KIAA0825: variants seen among roughly 807,000 people sequenced by gnomAD.
KIAA0825 encodes KIAA0825, also known as uncharacterized protein KIAA0825.
In KIAA0825, 119 loss-of-function variants were observed where a neutral mutation model predicts 147.6. That is an observed-to-expected ratio of 0.81 (90% CI 0.69 to 0.94). The LOEUF (loss-of-function observed/expected upper bound fraction) is 0.94, where lower values mean the gene tolerates loss of function less well. KIAA0825 is among the 40% of genes least tolerant of loss of function. KIAA0825 has a pLI of 0.00. For synonymous variants in KIAA0825, 470 were observed against 518.1 expected, an observed-to-expected ratio of 0.91 and a Z score of 1.26; for missense variants, 1,381 against 1,472.7, an observed-to-expected ratio of 0.94 and a Z score of 1.02.
intron 2 of KIAA0825, chr5:94,568,166 A>G (rs1779103173): frequency 1.2e-5 from 2 of 160,876 alleles, no homozygotes; most frequent in East Asian, 1.7e-4. Context: ...CTCCGGATCC[A>G]TTATTCATAA....
intron 20 of KIAA0825, among the ~76,000 whole-genome samples, chr5:94,316,325 C>G (rs1396955759): frequency 1.3e-5 from 2 of 151,240 alleles, no homozygotes; most frequent in Non-Finnish European, 3.0e-5. Context: ...TATTATACTA[C>G]TAAACCACCT....
intron 20 of KIAA0825, among the ~76,000 whole-genome samples, chr5:94,235,318 G>A (rs1774979381): frequency 1.3e-5 from 2 of 152,184 alleles, no homozygotes; most frequent in Admixed American, 6.5e-5. Flanking sequence ...ATATGGAAAA[G>A]GTTTTACAGT....
chr5:94,375,033 CTT>C lies in KIAA0825; in HGVS notation c.3710+9333_3710+9334del, dbSNP rs35435550. ...ATTTTTCTTTTCTTTCTTTCCTTCT[CTT>C]TTTTTTTTTTTTTTTTGATAAAGTC... On this transcript the variant is annotated intron_variant, in intron 20 of 20. Transcript: ENST00000682413. Among the ~76,000 whole-genome samples, 515 of 130,456 alleles carry C rather than the reference CTT, an allele frequency of 3.9e-3. 4 individuals carry two copies. The highest frequency in any genetic ancestry group is 0.013 in the African/African-American group (458 of 34,712). The allele number at this position is 130,456 out of a possible 152,430, so 85.6% of individuals were successfully genotyped here.
At chr5:94,184,826 C>A (rs1271262125) in intron 20 of KIAA0825, among the ~76,000 whole-genome samples, 1 of 152,226 alleles carries the variant, frequency 6.6e-6, no homozygotes, top group East Asian at 1.9e-4. Flanking sequence ...TAAGTTTGTA[C>A]CTTCTGTACT....
chr5:94,178,385 T>G (rs1273855752), intron 20 of KIAA0825, among the ~76,000 whole-genome samples: 1 of 152,006 alleles, frequency 6.6e-6, no homozygotes, highest in Non-Finnish European at 1.5e-5. Context: ...TTGATTTTAA[T>G]GAGAGTTCTG....
chr5:94,517,492 C>G (rs1767448766), intron 5 of KIAA0825, among the ~76,000 whole-genome samples: 1 of 151,970 alleles, frequency 6.6e-6, no homozygotes, highest in Non-Finnish European at 1.5e-5. Flanking sequence ...AATCCTCAAC[C>G]TAAGTACAAA....
At chr5:94,216,662 G>A (rs546951792) in intron 20 of KIAA0825, among the ~76,000 whole-genome samples, 41 of 152,188 alleles carry the variant, frequency 2.7e-4, no homozygotes, top group African/African-American at 7.0e-4. Flanking sequence ...ATTTTTCTCC[G>A]TCTTCTCACT....
intron 20 of KIAA0825, among the ~76,000 whole-genome samples, chr5:94,240,219 C>T (rs546012877): frequency 5.3e-5 from 8 of 152,184 alleles, no homozygotes; most frequent in Non-Finnish European, 1.0e-4. Flanking sequence ...GGTCACAATC[C>T]ATCATGTCTT....
At chr5:94,166,408 G>A (rs1294670658) in intron 20 of KIAA0825, among the ~76,000 whole-genome samples, 3 of 151,386 alleles carry the variant, frequency 2.0e-5, no homozygotes, top group African/African-American at 7.3e-5. Context: ...TTAGTAATTT[G>A]TTGGCAGGAA....
intron 20 of KIAA0825, among the ~76,000 whole-genome samples, chr5:94,272,293 C>T (rs1777029709): frequency 6.6e-6 from 1 of 151,676 alleles, no homozygotes. Flanking sequence ...AACAGAGTGA[C>T]TACACTCAAC....
intron 20 of KIAA0825, among the ~76,000 whole-genome samples, chr5:94,328,863 C>A (rs1780979783): frequency 6.6e-6 from 1 of 152,006 alleles, no homozygotes; most frequent in Non-Finnish European, 1.5e-5. Context: ...ATAAGTCCTC[C>A]TGTTTAAAAT....
intron 20 of KIAA0825, among the ~76,000 whole-genome samples, chr5:94,243,197 A>G (rs1005972356): frequency 6.6e-6 from 1 of 152,234 alleles, no homozygotes; most frequent in African/African-American, 2.4e-5. Context: ...AATGTTCATC[A>G]AATTCTTGCT....
intron 1 of KIAA0825, among the ~76,000 whole-genome samples, chr5:94,613,772 G>A (rs748203036): frequency 6.6e-6 from 1 of 152,214 alleles, no homozygotes; most frequent in African/African-American, 2.4e-5. Flanking sequence ...TCCAGAAGGG[G>A]GTGCCCTTTT....
At chr5:94,440,180 G>A in intron 13 of KIAA0825, 59 bp from the exon 14 acceptor site, 1 of 1,475,022 alleles carries the variant, frequency 6.8e-7, no homozygotes, top group Non-Finnish European at 9.2e-7. Flanking sequence ...GAAATTAATA[G>A]CCTTAAAGTA....
chr5:94,322,999 C>T (rs1322307072), intron 20 of KIAA0825, among the ~76,000 whole-genome samples: 2 of 151,626 alleles, frequency 1.3e-5, no homozygotes, highest in Admixed American at 1.3e-4. Context: ...TGTGCCAATG[C>T]AAAGGCATAT....
intron 13 of KIAA0825, among the ~76,000 whole-genome samples, chr5:94,442,840 C>G (rs1057219919): frequency 1.3e-5 from 2 of 152,100 alleles, no homozygotes; most frequent in Non-Finnish European, 2.9e-5. Flanking sequence ...GAGAGATAGT[C>G]TGAAGAAGGA....
intron 15 of KIAA0825, among the ~76,000 whole-genome samples, chr5:94,412,821 G>A (rs999019975): frequency 6.6e-6 from 1 of 152,128 alleles, no homozygotes; most frequent in Non-Finnish European, 1.5e-5. Flanking sequence ...GGTTTGAACT[G>A]CACAGGTCGA....
chr5:94,365,749 C>G (rs1388942295), intron 20 of KIAA0825, among the ~76,000 whole-genome samples: 1 of 152,178 alleles, frequency 6.6e-6, no homozygotes, highest in African/African-American at 2.4e-5. Flanking sequence ...AGGCCTTTCC[C>G]AAAACAACCC....
intron 5 of KIAA0825, among the ~76,000 whole-genome samples, chr5:94,487,215 T>G (rs758383006): frequency 3.9e-5 from 6 of 152,232 alleles, no homozygotes; most frequent in Non-Finnish European, 1.5e-5. Flanking sequence ...TCAGTGAATC[T>G]TTATAACTAA....
Sources: gnomAD v4.1 joint callset for allele counts (sites outside exome capture counted in the v4.1 genomes callset) on GRCh38, gnomAD v4.1.1 for gene constraint, MANE v1.5 for transcripts, NCBI Gene and HGNC (gene_info 2026-07-23, HGNC 2026-07-21) for gene names.